Variants in C12orf60 observed in about 807,000 individuals in gnomAD.
The protein encoded by C12orf60 is chromosome 12 open reading frame 60, also known as uncharacterized protein C12orf60.
For synonymous variants in C12orf60, 102 were observed against 94.6 expected (o/e 1.08, Z -0.45); for missense variants, 284 against 283.2 (o/e 1.00, Z -0.02).
chr12:14,813,058 T>C (rs1376891019), intron 1 of C12orf60, among the ~76,000 whole-genome samples: 1 of 152,210 alleles, frequency 6.6e-6, no homozygotes, highest in East Asian at 1.9e-4. Context: ...GGTAGGGTTA[T>C]AGAGGAAAAA....
At chr12:14,817,688 C>T (rs1453934461) in intron 1 of C12orf60, among the ~76,000 whole-genome samples, 4 of 152,172 alleles carry the variant, frequency 2.6e-5, no homozygotes, top group African/African-American at 9.7e-5. Context: ...GCATGGTATT[C>T]CATGGTGTAT....
intron 1 of C12orf60, among the ~76,000 whole-genome samples, chr12:14,818,041 T>C (rs1244993171): frequency 6.6e-6 from 1 of 152,228 alleles, no homozygotes; most frequent in Admixed American, 6.5e-5. Context: ...CATGAGATGG[T>C]ATCTCACTGT....
chr12:14,822,826 C>G (rs1420653297), intron 1 of C12orf60, 86 bp from the exon 2 acceptor site: 1 of 1,192,478 alleles, frequency 8.4e-7, no homozygotes, highest in Non-Finnish European at 1.2e-6. Context: ...GGGGAGTTAT[C>G]TTCATATTTA....
Position 14,823,606 on chromosome 12 carries a change from T to G in C12orf60, c.671T>G (p.Ile224Ser), listed in dbSNP as rs754984200. The change falls in exon 2 of 2, where the codon ATC (isoleucine) becomes AGC (serine). Residue 224 changes from isoleucine to serine, a missense_variant. Ile to Ser is a moderately radical substitution (Grantham distance 142). Transcript: ENST00000330828. ...AAGGCTATGGGACCAATCTTAGAGA[T>G]CCTCCAAAAAGCGATAAAGACTATG... ...IVKAMGPILE[I>S]LQKAIKTMEM... The G allele has an allele frequency of 1.2e-6, 2 of 1,607,122 alleles. No individual in the cohort carries two copies. Among genetic ancestry groups the G allele is most frequent in the East Asian group, 2.2e-5 (1 of 44,828 alleles).
intron 1 of C12orf60, among the ~76,000 whole-genome samples, chr12:14,819,338 T>A (rs1388021826): frequency 1.3e-5 from 2 of 152,178 alleles, no homozygotes; most frequent in Non-Finnish European, 2.9e-5. Flanking sequence ...TTCCCTATTG[T>A]TCATTCCTAG....
rs1315711836 is a variant in C12orf60 at position 14,823,138 on chromosome 12, A to G, written c.203A>G (p.Lys68Arg). Reference sequence around the variant, plus strand: ...TTTGAGCAAATGCTCAAAATTTTTAAGGAGATGCAATCTGTAGTGGATGCA... The same window carrying G: ...TTTGAGCAAATGCTCAAAATTTTTAGGGAGATGCAATCTGTAGTGGATGCA... Reference protein sequence around the residue: ...DFFEQMLKIFKEMQSVVDARH... With the variant: ...DFFEQMLKIFREMQSVVDARH... The change falls in exon 2 of 2, where the codon AAG (lysine) becomes AGG (arginine). Residue 68 changes from lysine to arginine, a missense_variant. Transcript: ENST00000330828. 2 of 1,614,090 alleles carry G rather than the reference A, an allele frequency of 1.2e-6. No homozygotes were observed. The highest frequency in any genetic ancestry group is 4.5e-5 in the East Asian group (2 of 44,892).
intron 1 of C12orf60, among the ~76,000 whole-genome samples, chr12:14,816,221 G>A (rs1284230829): frequency 6.6e-6 from 1 of 152,062 alleles, no homozygotes; most frequent in African/African-American, 2.4e-5. Flanking sequence ...GATTGACAGT[G>A]GTGGGAAATG....
chr12:14,815,497 G>A (rs1950201498), intron 1 of C12orf60, among the ~76,000 whole-genome samples: 1 of 152,136 alleles, frequency 6.6e-6, no homozygotes, highest in South Asian at 2.1e-4. Context: ...AGCAGTTAAG[G>A]GAAGGTAAGT....
intron 1 of C12orf60, chr12:14,806,563 T>C (rs1452502256): frequency 6.2e-7 from 1 of 1,614,166 alleles, no homozygotes; most frequent in Admixed American, 1.7e-5. Context: ...AGAACCTCAG[T>C]CAGCTTATTG....
chr12:14,819,377 C>G (rs1332368543), intron 1 of C12orf60, among the ~76,000 whole-genome samples: 1 of 152,110 alleles, frequency 6.6e-6, no homozygotes, highest in African/African-American at 2.4e-5. Context: ...TATTTGAATG[C>G]TGACCTTGCA....
At chr12:14,815,646 G>C (rs1029001664) in intron 1 of C12orf60, among the ~76,000 whole-genome samples, 16 of 152,058 alleles carry the variant, frequency 1.1e-4, no homozygotes, top group Admixed American at 8.5e-4. Flanking sequence ...TTTCAGGAAG[G>C]GTACATTATG....
At chr12:14,815,180 A>G (rs552906181) in intron 1 of C12orf60, among the ~76,000 whole-genome samples, 20 of 152,330 alleles carry the variant, frequency 1.3e-4, no homozygotes, top group Middle Eastern at 3.4e-3. Flanking sequence ...AGGAAACTTT[A>G]AAATCTAAAG....
chr12:14,806,046 GC>G (rs771578940), intron 1 of C12orf60: 17 of 1,614,046 alleles, frequency 1.1e-5, no homozygotes, highest in Non-Finnish European at 1.4e-5. Flanking sequence ...CTCAGTAATG[GC>G]ATGATTATAT....
chr12:14,823,094 T>G lies in C12orf60; in HGVS notation c.159T>G (p.Asn53Lys). The G allele has an allele frequency of 6.2e-7, 1 of 1,614,100 alleles. No homozygotes were observed. The highest frequency in any genetic ancestry group is 1.1e-5 in the South Asian group (1 of 91,084). ...TQILLMAVKN[N>K]SYIKDFFEQM... Reference sequence around the variant, plus strand: ...TCCTTTTGATGGCTGTGAAAAACAATAGTTACATTAAGGATTTTTTTGAGC... The same window carrying G: ...TCCTTTTGATGGCTGTGAAAAACAAGAGTTACATTAAGGATTTTTTTGAGC... Residue 53 changes from asparagine to lysine, a missense_variant, in exon 2 of 2, where the codon AAT (asparagine) becomes AAG (lysine). Physicochemically the swap from Asn to Lys is moderately conservative, Grantham distance 94. Coordinates refer to ENST00000330828, the MANE Select transcript of C12orf60 (RefSeq NM_175874.4).
chr12:14,808,273 C>T (rs12820754), intron 1 of C12orf60, among the ~76,000 whole-genome samples: 275 of 152,170 alleles, frequency 1.8e-3, no homozygotes, highest in Admixed American at 4.3e-3. Flanking sequence ...TCATGCTCTT[C>T]TGTGTTTATT....
intron 1 of C12orf60, among the ~76,000 whole-genome samples, chr12:14,812,923 G>A (rs1251095603): frequency 1.3e-5 from 2 of 152,116 alleles, no homozygotes; most frequent in East Asian, 3.9e-4. Flanking sequence ...GTTGATTTGG[G>A]AAGAGTAAGG....
chr12:14,822,807 C>T (rs1008883183), intron 1 of C12orf60, 105 bp from the exon 2 acceptor site: 79 of 941,074 alleles, frequency 8.4e-5, no homozygotes, highest in Non-Finnish European at 1.2e-4. Flanking sequence ...GCTTTCCTGC[C>T]CTTGGCAGGG....
At chr12:14,820,496 C>A (rs1466441473) in intron 1 of C12orf60, among the ~76,000 whole-genome samples, 1 of 152,004 alleles carries the variant, frequency 6.6e-6, no homozygotes. Flanking sequence ...TCTCTAAACA[C>A]TGCTTTGGTT....
At chr12:14,812,120 A>T (rs572679521) in intron 1 of C12orf60, among the ~76,000 whole-genome samples, 1 of 152,314 alleles carries the variant, frequency 6.6e-6, no homozygotes, top group East Asian at 1.9e-4. Flanking sequence ...TTCATCTTTT[A>T]TTCACTTAAC....
Sources: allele counts gnomAD v4.1 joint callset (sites outside exome capture counted in the v4.1 genomes callset), GRCh38; gene constraint gnomAD v4.1.1; transcripts MANE v1.5; gene names NCBI Gene and HGNC (gene_info 2026-07-23, HGNC 2026-07-21).